NOXRED1: variants seen among roughly 807,000 people sequenced by gnomAD.
NOXRED1 encodes the protein NADP dependent oxidoreductase domain containing 1.
A neutral mutation model predicts 30.4 loss-of-function variants in NOXRED1; 20 were observed. That is an observed-to-expected ratio of 0.66 (90% CI 0.46 to 0.96). The LOEUF (loss-of-function observed/expected upper bound fraction) is 0.96. Ranked by LOEUF, NOXRED1 falls within the 40% of genes least tolerant of loss-of-function variation. NOXRED1 has a pLI of 0.00. For missense variants in NOXRED1, 374 were observed against 428.0 expected, an observed-to-expected ratio of 0.87 and a Z score of 1.11; for synonymous variants, 155 against 168.0, an observed-to-expected ratio of 0.92 and a Z score of 0.60.
intron 5 of NOXRED1, among the ~76,000 whole-genome samples, chr14:77,400,359 T>A (rs1894295285): frequency 6.6e-6 from 1 of 152,216 alleles, no homozygotes; most frequent in South Asian, 2.1e-4. Context: ...CCAGAAAGTA[T>A]CTGAGACAAG....
chr14:77,403,757 A>G (rs577629244), intron 5 of NOXRED1, among the ~76,000 whole-genome samples: 1 of 152,330 alleles, frequency 6.6e-6, no homozygotes, highest in African/African-American at 2.4e-5. Flanking sequence ...CACATCATAA[A>G]ATTTCAAGAT....
intron 5 of NOXRED1, among the ~76,000 whole-genome samples, chr14:77,404,840 T>C (rs1894415122): frequency 6.6e-6 from 1 of 152,146 alleles, no homozygotes; most frequent in Non-Finnish European, 1.5e-5. Context: ...CCAGTGGATC[T>C]AGTGACATGG....
intron 1 of NOXRED1, among the ~76,000 whole-genome samples, chr14:77,419,640 GT>G (rs1894933407): frequency 6.6e-6 from 1 of 151,252 alleles, no homozygotes; most frequent in South Asian, 2.1e-4. Context: ...AGTAGAGACG[GT>G]TTTTCACCAT....
rs748347622 is a variant in NOXRED1 at position 77,405,948 on chromosome 14, G to A, written c.870C>T (p.Val290=). The change falls in exon 5 of 6, where the codon GTC becomes GTT. Residue 290 remains valine, a synonymous_variant. Transcript: ENST00000380835. ...SCPKLQLTDF[V]SKAYGKNLSQ... ...ACAAATTCTTGCCATAGGCTTTGCT[G>A]ACAAAATCTGTTAATTGCAACTTTG... is the stretch of plus-strand genomic sequence containing the variant. 5.6e-6 allele frequency: 9 copies of A among 1,613,430 alleles called. No homozygotes were observed. The East Asian group carries it at 8.9e-5, about 16-fold the overall frequency.
Position 77,414,013 on chromosome 14 carries a change from C to T in NOXRED1, c.270G>A (p.Gln90=), listed in dbSNP as rs1894738498. The T allele has an allele frequency of 1.9e-6, 3 of 1,612,598 alleles. No individual in the cohort carries two copies. The highest frequency in any genetic ancestry group is 1.7e-6 in the Non-Finnish European group (2 of 1,178,890). The change falls in exon 2 of 6, where the codon CAG becomes CAA. Residue 90 remains glutamine, a synonymous_variant. Transcript: ENST00000380835. ...CAAGCTGCAGCAGTGTGCCAGCCAGCTGCTTCCCAAGGTGGCCACCTCCAA... is the reference window on the plus strand; with the variant it reads ...CAAGCTGCAGCAGTGTGCCAGCCAGTTGCTTCCCAAGGTGGCCACCTCCAA... The part of the protein sequence containing the change: ...GIIGGGHLGK[Q]LAGTLLQLGP...
chr14:77,410,716 T>A (rs1039698520), intron 2 of NOXRED1, among the ~76,000 whole-genome samples: 1 of 151,514 alleles, frequency 6.6e-6, no homozygotes, highest in Non-Finnish European at 1.5e-5. Context: ...TCAGAAAAAA[T>A]GACATAGTAA....
At chr14:77,399,447 C>T (rs565210698) in intron 5 of NOXRED1, among the ~76,000 whole-genome samples, 1 of 152,176 alleles carries the variant, frequency 6.6e-6, no homozygotes, top group Admixed American at 6.5e-5. Flanking sequence ...AAGACCCTGT[C>T]TCAAAAAATA....
At position 77,407,487 on chromosome 14, in the gene NOXRED1, C is replaced by G. The variant is rs747599930; in HGVS notation, c.508G>C (p.Val170Leu). The change falls in exon 3 of 6, where the codon GTA becomes CTA. Residue 170 changes from valine to leucine, a missense_variant. Coordinates refer to ENST00000380835, the MANE Select transcript of NOXRED1 (RefSeq NM_001113475.3). The stretch of plus-strand genomic sequence containing the variant: ...TACCTGGGTAGTGGGATGGCAGCTA[C>G]AAAGCTGTACACAATGCTGGCCTTC... The part of the protein sequence containing the change: ...LEKASIVYSF[V>L]AAIPLPRLKL... 3.7e-6 allele frequency: 6 copies of G among 1,613,996 alleles called. No homozygotes were observed. Among genetic ancestry groups the G allele is most frequent in the Non-Finnish European group, 5.1e-6 (6 of 1,179,870 alleles).
chr14:77,407,866 T>TA (rs1894521733), intron 2 of NOXRED1, among the ~76,000 whole-genome samples: 1 of 93,566 alleles, frequency 1.1e-5, no homozygotes, highest in South Asian at 3.8e-4. Context: ...TTATAATTCA[T>TA]CTTTTTTTTT....
Position 77,415,872 on chromosome 14 carries a change from C to T in NOXRED1, c.156-1745G>A, listed in dbSNP as rs376683205. 1.1e-4 allele frequency among the ~76,000 whole-genome samples: 17 copies of T among 151,962 alleles called. No individual in the cohort carries two copies. The East Asian group carries it at 1.5e-3, about 14-fold the overall frequency. On this transcript the variant is annotated intron_variant, in intron 1 of 5. Transcript: ENST00000380835. Reference sequence around the variant, plus strand: ...TACAGGCGCGTGTCACCACACCCCACGCCCAGCTAATTTTTGTATTTTTAG... The same window carrying T: ...TACAGGCGCGTGTCACCACACCCCATGCCCAGCTAATTTTTGTATTTTTAG...
chr14:77,404,717 G>T (rs1360669828), intron 5 of NOXRED1, among the ~76,000 whole-genome samples: 1 of 152,052 alleles, frequency 6.6e-6, no homozygotes, highest in Non-Finnish European at 1.5e-5. Flanking sequence ...GAGGGGCCGG[G>T]GAGTCAGGAA....
chr14:77,417,474 AT>A (rs1894862417), intron 1 of NOXRED1, among the ~76,000 whole-genome samples: 1 of 152,386 alleles, frequency 6.6e-6, no homozygotes, highest in South Asian at 2.1e-4. Flanking sequence ...TTAAGTACAT[AT>A]ATAATTGTTG....
intron 1 of NOXRED1, among the ~76,000 whole-genome samples, chr14:77,414,543 C>A (rs1894762018): frequency 6.6e-6 from 1 of 152,108 alleles, no homozygotes; most frequent in Non-Finnish European, 1.5e-5. Context: ...TTGGTGGCAC[C>A]TTAAGTACTT....
intron 1 of NOXRED1, among the ~76,000 whole-genome samples, chr14:77,419,238 A>G (rs550551258): frequency 2.0e-5 from 3 of 149,860 alleles, no homozygotes; most frequent in Middle Eastern, 3.5e-3. Context: ...ATGCCCAGCT[A>G]ATTTTTGTAT....
intron 5 of NOXRED1, among the ~76,000 whole-genome samples, chr14:77,396,618 T>C: frequency 6.6e-6 from 1 of 152,168 alleles, no homozygotes; most frequent in African/African-American, 2.4e-5. Flanking sequence ...AAAATAAACA[T>C]ACAAATATCA....
rs776945405 is a variant in NOXRED1, at chr14:77,394,847, G to A, written c.906-42C>T. 3 of 1,453,178 alleles carry A rather than the reference G, an allele frequency of 2.1e-6. No individual in the cohort carries two copies. The South Asian group carries it at 3.7e-5, about 18-fold the overall frequency. 90.0% of individuals were successfully genotyped at this position (1,453,178 alleles called of 1,614,324 possible). On this transcript the variant is annotated intron_variant, in intron 5 of 5. Coordinates refer to ENST00000380835, the MANE Select transcript of NOXRED1 (RefSeq NM_001113475.3). ...ATTGTTACTTTTTTATGTCTGTTCAGTATATCTGATTTGGCTGTTAAACAC... is the reference window on the plus strand; with the variant it reads ...ATTGTTACTTTTTTATGTCTGTTCAATATATCTGATTTGGCTGTTAAACAC...
intron 1 of NOXRED1, among the ~76,000 whole-genome samples, chr14:77,418,582 T>G (rs1894897916): frequency 1.3e-5 from 2 of 152,266 alleles, no homozygotes; most frequent in South Asian, 2.1e-4. Context: ...CAGGTTAGAG[T>G]GCAGTGACAT....
chr14:77,399,297 TAAAAA>T (rs1409329385), intron 5 of NOXRED1, among the ~76,000 whole-genome samples: 1 of 151,394 alleles, frequency 6.6e-6, no homozygotes, highest in East Asian at 2.0e-4. Flanking sequence ...CTACAAATAA[TAAAAA>T]AAACTAGCCA....
At chr14:77,425,423 G>T (rs1281108269), upstream of NOXRED1, among the ~76,000 whole-genome samples, 2 of 152,198 alleles carry the variant, frequency 1.3e-5, no homozygotes, top group Non-Finnish European at 2.9e-5. Context: ...ATGCCTAGTG[G>T]TTCTGCTTCT....
Sources: gnomAD v4.1 joint callset for allele counts (sites outside exome capture counted in the v4.1 genomes callset) on GRCh38, gnomAD v4.1.1 for gene constraint, MANE v1.5 for transcripts, NCBI Gene and HGNC (gene_info 2026-07-23, HGNC 2026-07-21) for gene names.